ZNF793: variants seen among roughly 807,000 people sequenced by gnomAD.
ZNF793 encodes zinc finger protein 793.
A neutral mutation model predicts 12.4 loss-of-function variants in ZNF793; 5 were observed. The ratio of observed to expected loss-of-function variants is 0.40; its 90% CI spans 0.21 to 0.84. ZNF793 has a LOEUF of 0.84. Among genes scored for constraint, ZNF793 ranks in the 40% least tolerant of loss-of-function variants. The pLI, the probability that ZNF793 is intolerant of heterozygous loss-of-function variation, is 0.35. For missense variants in ZNF793, 456 were observed against 495.0 expected, an observed-to-expected ratio of 0.92 and a Z score of 0.75; for synonymous variants, 162 against 172.4, an observed-to-expected ratio of 0.94 and a Z score of 0.47.
rs1257135158 is a variant in ZNF793 at position 37,520,221 on chromosome 19, C to T, written c.-238C>T. 3 of 152,376 alleles carry T rather than the reference C, an allele frequency of 2.0e-5. No homozygotes were observed. The highest frequency in any genetic ancestry group is 4.4e-5 in the Non-Finnish European group (3 of 68,208). 9.4% of individuals were successfully genotyped at this position (152,376 alleles called of 1,614,324 possible). ...CCCTGCAGACCTTTGGATCCTGCCACCTTGCTGGACGGGAGGGCTCTCTAG... is the reference window on the plus strand; with the variant it reads ...CCCTGCAGACCTTTGGATCCTGCCATCTTGCTGGACGGGAGGGCTCTCTAG... On this transcript the variant is annotated 5_prime_UTR_variant, in exon 3 of 8. Coordinates refer to ENST00000627814, the MANE Select transcript of ZNF793 (RefSeq NM_001013659.3).
intron 2 of ZNF793, among the ~76,000 whole-genome samples, chr19:37,510,940 G>A (rs56151177): frequency 4.0e-5 from 6 of 151,706 alleles, no homozygotes; most frequent in Admixed American, 6.6e-5. Flanking sequence ...CTCGTGATCC[G>A]CCCACCTCAG....
rs1244235535 is a variant in ZNF793, at chr19:37,542,601, A to C, written c.*4722A>C. ...TCAAAGTAAATACCCATCAACTGGG[A>C]AATTGTAGAAAGGAAAAAACTATAG... On this transcript the variant is annotated 3_prime_UTR_variant, in exon 8 of 8. Transcript: ENST00000627814. The C allele has an allele frequency of 3.1e-5, 8 of 261,754 alleles. No homozygotes were observed. The highest frequency in any genetic ancestry group is 6.3e-5 in the Non-Finnish European group (8 of 127,418). 16.2% of individuals were successfully genotyped at this position (261,754 alleles called of 1,614,324 possible). A position where few individuals can be genotyped will look rare whatever the true frequency, so the allele number is the denominator to read the frequency against.
At chr19:37,526,370 C>G in intron 5 of ZNF793, among the ~76,000 whole-genome samples, 1 of 152,178 alleles carries the variant, frequency 6.6e-6, no homozygotes, top group Admixed American at 6.5e-5. Context: ...GCCTCGGCCT[C>G]CCAAAGTGCT....
At chr19:37,523,278 C>T (rs2147081638) in intron 4 of ZNF793, 132 bp from the exon 5 acceptor site, 1 of 717,408 alleles carries the variant, frequency 1.4e-6, no homozygotes, top group South Asian at 1.8e-5. Context: ...TAAGCCACCA[C>T]ACCCAGCTAA....
chr19:37,533,500 C>T (rs752490998), intron 7 of ZNF793, 97 bp downstream of exon 7: 32 of 1,062,598 alleles, frequency 3.0e-5, no homozygotes, highest in South Asian at 4.1e-5. Flanking sequence ...GAAAGTCCTC[C>T]GAGAGCTTCA....
At chr19:37,521,967 A>G (rs1435550658) in intron 3 of ZNF793, among the ~76,000 whole-genome samples, 5 of 152,128 alleles carry the variant, frequency 3.3e-5, no homozygotes, top group Admixed American at 6.6e-5. Context: ...ACTTGCAGAC[A>G]TGATGCTCCT....
chr19:37,531,158 C>CT lies in ZNF793; in HGVS notation c.16-1190dup, dbSNP rs1016790846. Among the ~76,000 whole-genome samples, 28 of 144,380 alleles carry CT rather than the reference C, an allele frequency of 1.9e-4. No individual in the cohort carries two copies. The East Asian group carries it at 4.8e-3, about 25-fold the overall frequency. The allele number at this position is 144,380 out of a possible 152,430, so 94.7% of individuals were successfully genotyped here. A position where few individuals can be genotyped will look rare whatever the true frequency, so the allele number is the denominator to read the frequency against. The stretch of plus-strand genomic sequence containing the variant: ...TCCATTGTCCTAAAGTCCATCATTT[C>CT]TTTTTTTTGTTTGTTTTTTTTTGTT... On this transcript the variant is annotated intron_variant, in intron 5 of 7. Transcript: ENST00000627814.
rs59674001 is a variant in ZNF793 at position 37,512,748 on chromosome 19, G to A, written c.-276+4345G>A. Among the ~76,000 whole-genome samples, 274 of 152,042 alleles carry A rather than the reference G, an allele frequency of 1.8e-3. 1 individual carries two copies. The East Asian group carries it at 0.025, about 14-fold the overall frequency. ...ACCACAATATAATGATCGAAAGCAG[G>A]GAAGTTAACATTGAAATATTATTAT... On this transcript the variant is annotated intron_variant, in intron 2 of 7. Transcript: ENST00000627814.
rs189003836 is a variant in ZNF793 at position 37,517,573 on chromosome 19, G to A, written c.-275-2611G>A. Among the ~76,000 whole-genome samples the A allele has an allele frequency of 3.7e-4, 56 of 152,250 alleles. No homozygotes were observed. The South Asian group carries it at 7.7e-3, about 21-fold the overall frequency. ...TTATAAACCCAAGCGCCACAGCCAG[G>A]CTAGTCGGGTCTGTATCTCACTGCT... On this transcript the variant is annotated intron_variant, in intron 2 of 7. Coordinates refer to ENST00000627814, the MANE Select transcript of ZNF793 (RefSeq NM_001013659.3).
At chr19:37,518,706 G>A (rs980073981) in intron 2 of ZNF793, among the ~76,000 whole-genome samples, 10 of 151,850 alleles carry the variant, frequency 6.6e-5, no homozygotes, top group African/African-American at 2.2e-4. Flanking sequence ...GGCTGAGGTG[G>A]GAGGATCACC....
chr19:37,526,246 G>A (rs1316716184), intron 5 of ZNF793, among the ~76,000 whole-genome samples: 3 of 152,166 alleles, frequency 2.0e-5, no homozygotes, highest in African/African-American at 7.2e-5. Flanking sequence ...CCGAGTAGCT[G>A]GGACTATAGG....
Position 37,540,298 on chromosome 19 carries a change from C to G in ZNF793, c.*2419C>G, listed in dbSNP as rs971961288. ...AAAAAAAAAAAAGAAAACTTCAGAC[C>G]AGTCTTACTCATGAATATAGAAACA... On this transcript the variant is annotated 3_prime_UTR_variant, in exon 8 of 8. Transcript: ENST00000627814. The G allele has an allele frequency of 2.0e-5, 3 of 146,654 alleles. No individual in the cohort carries two copies. Among genetic ancestry groups the G allele is most frequent in the African/African-American group, 7.5e-5 (3 of 39,828 alleles). The allele number at this position is 146,654 out of a possible 1,614,324, so 9.1% of individuals were successfully genotyped here.
At chr19:37,518,940 G>A (rs1396449956) in intron 2 of ZNF793, among the ~76,000 whole-genome samples, 1 of 152,082 alleles carries the variant, frequency 6.6e-6, no homozygotes, top group African/African-American at 2.4e-5. Context: ...ATTATTGGAT[G>A]TTGAAGAGTG....
chr19:37,540,585 C>G lies in ZNF793; in HGVS notation c.*2706C>G, dbSNP rs1488525971. 1 of 148,342 alleles carries G rather than the reference C, an allele frequency of 6.7e-6. No individual in the cohort carries two copies. The allele number at this position is 148,342 out of a possible 1,614,324, so 9.2% of individuals were successfully genotyped here. ...AAAAAATTTTTTTTAACCCAAACCC[C>G]AAAGCATATATTATGCCAAAGCCAT... On this transcript the variant is annotated 3_prime_UTR_variant, in exon 8 of 8. Transcript: ENST00000627814.
chr19:37,535,530 AT>A (rs1008518018), intron 7 of ZNF793: 116 of 146,880 alleles, frequency 7.9e-4, no homozygotes, highest in East Asian at 1.4e-3. Flanking sequence ...TCAAAAAAAA[AT>A]TTTTTTTTTT....
At chr19:37,509,688 T>A (rs1270391500) in intron 2 of ZNF793, among the ~76,000 whole-genome samples, 1 of 152,238 alleles carries the variant, frequency 6.6e-6, no homozygotes, top group Admixed American at 6.5e-5. Flanking sequence ...TATACTGTGC[T>A]CAGTGCCAGG....
intron 2 of ZNF793, among the ~76,000 whole-genome samples, chr19:37,515,402 G>A (rs2042323752): frequency 6.6e-6 from 1 of 151,804 alleles, no homozygotes; most frequent in South Asian, 2.1e-4. Context: ...CCGCTTCCCG[G>A]GTCCACGCCA....
At chr19:37,510,723 G>A (rs1385762934) in intron 2 of ZNF793, among the ~76,000 whole-genome samples, 1 of 149,890 alleles carries the variant, frequency 6.7e-6, no homozygotes, top group Non-Finnish European at 1.5e-5. Flanking sequence ...TTGAGACAGG[G>A]TCTCACTCTA....
Position 37,523,175 on chromosome 19 carries a change from C to T in ZNF793, c.-30-235C>T, listed in dbSNP as rs578167667. Reference sequence around the variant, plus strand: ...TAGCTGGGACTATAGGTGTGCAACACCATACCTGGCTAATTTTTTATCTTT... The same window carrying T: ...TAGCTGGGACTATAGGTGTGCAACATCATACCTGGCTAATTTTTTATCTTT... On this transcript the variant is annotated intron_variant, in intron 4 of 7. Coordinates refer to ENST00000627814, the MANE Select transcript of ZNF793 (RefSeq NM_001013659.3). Among the ~76,000 whole-genome samples the T allele has an allele frequency of 6.6e-5, 10 of 152,234 alleles. No homozygotes were observed. The South Asian group carries it at 2.1e-3, about 32-fold the overall frequency.
Sources: gnomAD v4.1 joint callset for allele counts (sites outside exome capture counted in the v4.1 genomes callset) on GRCh38, gnomAD v4.1.1 for gene constraint, MANE v1.5 for transcripts, NCBI Gene and HGNC (gene_info 2026-07-23, HGNC 2026-07-21) for gene names.